GPC6: variants seen among roughly 807,000 people sequenced by gnomAD.
The protein encoded by GPC6 is glypican-6.
GPC6 carries 14 observed loss-of-function variants against 55.2 expected under a neutral mutation model. The observed-to-expected ratio is 0.25, with a 90% CI of 0.17 to 0.40. The LOEUF is 0.40. GPC6 is among the 10% of genes least tolerant of loss of function. GPC6 has a pLI of 1.00. For missense variants in GPC6, 641 were observed against 708.5 expected (o/e 0.90, Z 1.08); for synonymous variants, 278 against 259.6 (o/e 1.07, Z -0.68).
At chr13:93,325,818 T>A (rs1337858412) in intron 1 of GPC6, among the ~76,000 whole-genome samples, 1 of 152,044 alleles carries the variant, frequency 6.6e-6, no homozygotes, top group African/African-American at 2.4e-5. Context: ...GGTAGTAATA[T>A]GTACTGATAG....
chr13:94,073,801 A>T (rs576143938), intron 4 of GPC6, among the ~76,000 whole-genome samples: 1 of 152,168 alleles, frequency 6.6e-6, no homozygotes, highest in South Asian at 2.1e-4. Context: ...ATAACCTTGA[A>T]TTTTTCACTA....
At chr13:94,305,943 T>C (rs1875919781) in intron 5 of GPC6, 37 bp from the exon 6 acceptor site, 1 of 1,607,052 alleles carries the variant, frequency 6.2e-7, no homozygotes, top group Non-Finnish European at 8.5e-7. Context: ...AGAAAACTCA[T>C]TGTATAGCTG....
chr13:94,142,985 C>T (rs1398992476), intron 4 of GPC6, among the ~76,000 whole-genome samples: 1 of 151,694 alleles, frequency 6.6e-6, no homozygotes, highest in Admixed American at 6.6e-5. Flanking sequence ...CGTGCCACCA[C>T]GCCCAGCTAA....
chr13:93,506,612 G>C lies in GPC6; in HGVS notation c.161-38651G>C, dbSNP rs191153534. Among the ~76,000 whole-genome samples, 287 of 152,176 alleles carry C rather than the reference G, an allele frequency of 1.9e-3. 2 individuals are homozygous for C. The highest frequency in any genetic ancestry group is 6.1e-3 in the African/African-American group (255 of 41,528). On this transcript the variant is annotated intron_variant, in intron 1 of 8. Coordinates refer to ENST00000377047, the MANE Select transcript of GPC6 (RefSeq NM_005708.5). Reference sequence around the variant, plus strand: ...CTTTAATTTTTGAAATGGTACCCTAGAGGTCTTATAATTGAGGCTCTAAGC... The same window carrying C: ...CTTTAATTTTTGAAATGGTACCCTACAGGTCTTATAATTGAGGCTCTAAGC...
At chr13:93,346,844 G>A (rs1450548912) in intron 1 of GPC6, among the ~76,000 whole-genome samples, 3 of 152,140 alleles carry the variant, frequency 2.0e-5, no homozygotes, top group Admixed American at 6.5e-5. Flanking sequence ...ATAGCATTAT[G>A]TAGATACATT....
chr13:94,292,589 A>G (rs1875045049), intron 5 of GPC6, among the ~76,000 whole-genome samples: 1 of 151,918 alleles, frequency 6.6e-6, no homozygotes, highest in African/African-American at 2.4e-5. Context: ...TCTCTTATGT[A>G]TCTCTTATGT....
chr13:94,178,837 A>C (rs79825936), intron 4 of GPC6, among the ~76,000 whole-genome samples: 13,230 of 152,306 alleles, frequency 0.087, 605 homozygotes, highest in Non-Finnish European at 0.1. Context: ...AGGTGAGAGC[A>C]GATGAGATGA....
At chr13:93,343,109 G>C (rs78167774) in intron 1 of GPC6, among the ~76,000 whole-genome samples, 2,374 of 152,026 alleles carry the variant, frequency 0.016, 53 homozygotes, top group African/African-American at 0.051. Context: ...CTTAGTAATG[G>C]GAAATAATGA....
chr13:93,930,947 A>C (rs1878134301), intron 3 of GPC6, among the ~76,000 whole-genome samples: 2 of 152,128 alleles, frequency 1.3e-5, no homozygotes, highest in South Asian at 4.1e-4. Context: ...AAAGGAAAGC[A>C]AGCAGATCTT....
intron 1 of GPC6, among the ~76,000 whole-genome samples, chr13:93,489,124 A>G (rs1168294102): frequency 2.0e-5 from 3 of 151,496 alleles, no homozygotes; most frequent in Admixed American, 6.6e-5. Flanking sequence ...TAAGTCTTTA[A>G]TCCATCTTGA....
intron 1 of GPC6, among the ~76,000 whole-genome samples, chr13:93,298,323 T>G (rs1878563105): frequency 6.6e-6 from 1 of 152,214 alleles, no homozygotes; most frequent in African/African-American, 2.4e-5. Context: ...TAGTCATAGA[T>G]TTCAGGATTT....
chr13:93,679,980 G>C (rs966501268), intron 2 of GPC6, among the ~76,000 whole-genome samples: 2 of 152,088 alleles, frequency 1.3e-5, no homozygotes, highest in African/African-American at 2.4e-5. Flanking sequence ...CATGACAATT[G>C]TCATGGAAAA....
At chr13:93,622,839 G>GA (rs1879015615) in intron 2 of GPC6, among the ~76,000 whole-genome samples, 1 of 152,030 alleles carries the variant, frequency 6.6e-6, no homozygotes, top group Non-Finnish European at 1.5e-5. Flanking sequence ...CTGTGAAATA[G>GA]AGTACCAGAA....
intron 2 of GPC6, among the ~76,000 whole-genome samples, chr13:93,776,429 G>A (rs1885470279): frequency 6.6e-6 from 1 of 152,060 alleles, no homozygotes; most frequent in African/African-American, 2.4e-5. Flanking sequence ...AAGTGGCAGA[G>A]CTGGGATTTG....
At chr13:93,686,978 A>G (rs956940865) in intron 2 of GPC6, among the ~76,000 whole-genome samples, 1 of 152,138 alleles carries the variant, frequency 6.6e-6, no homozygotes, top group Admixed American at 6.6e-5. Context: ...CCTATATAAC[A>G]TTTTATTTTT....
At chr13:93,294,997 G>A (rs1016105103) in intron 1 of GPC6, among the ~76,000 whole-genome samples, 10 of 151,060 alleles carry the variant, frequency 6.6e-5, no homozygotes, top group South Asian at 6.3e-4. Flanking sequence ...TAGGTCTGGC[G>A]TGGTGTCTTG....
At chr13:93,361,565 C>T (rs189131531) in intron 1 of GPC6, among the ~76,000 whole-genome samples, 138 of 152,172 alleles carry the variant, frequency 9.1e-4, no homozygotes, top group African/African-American at 3.0e-3. Context: ...CATTTAAAAA[C>T]GTGTATTTTC....
At chr13:93,418,321 A>G (rs1876780617) in intron 1 of GPC6, among the ~76,000 whole-genome samples, 1 of 151,484 alleles carries the variant, frequency 6.6e-6, no homozygotes. Context: ...AAAATATACA[A>G]TTAATTATCA....
rs148142802 is a variant in GPC6 at position 93,519,975 on chromosome 13, G to A, written c.161-25288G>A. On this transcript the variant is annotated intron_variant, in intron 1 of 8. Coordinates refer to ENST00000377047, the MANE Select transcript of GPC6 (RefSeq NM_005708.5). ...GAAACAGTGTAACTATTCTCTGCAA[G>A]ACTTATTTGACATCTTAATTTTCTT... Among the ~76,000 whole-genome samples, 392 of 152,006 alleles carry A rather than the reference G, an allele frequency of 2.6e-3. 1 individual carries two copies. Among genetic ancestry groups the A allele is most frequent in the African/African-American group, 9.1e-3 (379 of 41,510 alleles).
Sources: gnomAD v4.1 joint callset for allele counts (sites outside exome capture counted in the v4.1 genomes callset) on GRCh38, gnomAD v4.1.1 for gene constraint, MANE v1.5 for transcripts, NCBI Gene and HGNC (gene_info 2026-07-23, HGNC 2026-07-21) for gene names.